FKTN: variants seen among roughly 807,000 people sequenced by gnomAD.
FKTN encodes fukutin.
FKTN carries 47 observed loss-of-function variants against 58.6 expected under a neutral mutation model. The observed-to-expected ratio is 0.80, with a 90% CI of 0.63 to 1.02. The LOEUF (loss-of-function observed/expected upper bound fraction) is 1.02, where lower values mean the gene tolerates loss of function less well. FKTN is among the 50% of genes least tolerant of loss of function. FKTN has a pLI of 0.00. For missense variants in FKTN, 516 were observed against 537.3 expected, an observed-to-expected ratio of 0.96 and a Z score of 0.39; for synonymous variants, 178 against 191.9, an observed-to-expected ratio of 0.93 and a Z score of 0.60.
chr9:105,638,788 G>T lies in FKTN; in HGVS notation c.*3524G>T. The T allele has an allele frequency of 2.0e-6, 2 of 981,602 alleles. No individual in the cohort carries two copies. The highest frequency in any genetic ancestry group is 2.4e-6 in the Non-Finnish European group (2 of 826,592). 60.8% of individuals were successfully genotyped at this position (981,602 alleles called of 1,614,324 possible). A position where few individuals can be genotyped will look rare whatever the true frequency, so the allele number is the denominator to read the frequency against. On this transcript the variant is annotated 3_prime_UTR_variant, in exon 11 of 11. Coordinates refer to ENST00000357998, the MANE Select transcript of FKTN (RefSeq NM_001079802.2). ...ATATTGATACTCTCTGATAAATGCAGGTAGTTAAGAATAGATTGTACTCAT... is the reference window on the plus strand; with the variant it reads ...ATATTGATACTCTCTGATAAATGCATGTAGTTAAGAATAGATTGTACTCAT...
chr9:105,608,903 TG>T (rs1258319492), intron 7 of FKTN, among the ~76,000 whole-genome samples: 1 of 152,246 alleles, frequency 6.6e-6, no homozygotes, highest in African/African-American at 2.4e-5. Context: ...GCCTGACATA[TG>T]CCTACCACAT....
Position 105,617,940 on chromosome 9 carries a change from A to T in FKTN, c.911-19A>T, listed in dbSNP as rs1177031988. On this transcript the variant is annotated intron_variant, in intron 8 of 10. Transcript: ENST00000357998. The stretch of plus-strand genomic sequence containing the variant: ...TTCCAAACCTAAATTTTGTTAAAAA[A>T]ATTTAATCTTCTTTTTAGGATGGTA... The T allele has an allele frequency of 7.3e-6, 11 of 1,513,844 alleles. No homozygotes were observed. Among genetic ancestry groups the T allele is most frequent in the Non-Finnish European group, 1.0e-5 (11 of 1,101,496 alleles). The allele number at this position is 1,513,844 out of a possible 1,614,324, so 93.8% of individuals were successfully genotyped here. A position where few individuals can be genotyped will look rare whatever the true frequency, so the allele number is the denominator to read the frequency against.
chr9:105,593,639 T>G (rs996449369), intron 3 of FKTN, among the ~76,000 whole-genome samples: 21 of 152,040 alleles, frequency 1.4e-4, no homozygotes, highest in Non-Finnish European at 3.1e-4. Flanking sequence ...ACATCTGAGG[T>G]TTGGGACCCT....
Position 105,640,241 on chromosome 9 carries a change from A to G in FKTN, c.*4977A>G. Reference sequence around the variant, plus strand: ...TCCTGTGCTTAAAGGAGGCAAGTATAAATTTTCTAATAAGAAATCCCTGCT... The same window carrying G: ...TCCTGTGCTTAAAGGAGGCAAGTATGAATTTTCTAATAAGAAATCCCTGCT... On this transcript the variant is annotated 3_prime_UTR_variant, in exon 11 of 11. Coordinates refer to ENST00000357998, the MANE Select transcript of FKTN (RefSeq NM_001079802.2). 7.4e-7 allele frequency: 1 copy of G among 1,353,400 alleles called. No individual in the cohort carries two copies. Among genetic ancestry groups the G allele is most frequent in the Admixed American group, 2.8e-5 (1 of 35,470 alleles). 83.8% of individuals were successfully genotyped at this position (1,353,400 alleles called of 1,614,324 possible). A position where few individuals can be genotyped will look rare whatever the true frequency, so the allele number is the denominator to read the frequency against.
At chr9:105,578,434 GT>G (rs1842184419) in intron 3 of FKTN, among the ~76,000 whole-genome samples, 1 of 129,938 alleles carries the variant, frequency 7.7e-6, no homozygotes, top group Non-Finnish European at 1.6e-5. Flanking sequence ...TAATCATGTG[GT>G]TTTTGTCTTT....
At chr9:105,611,868 T>C (rs1829984416) in intron 7 of FKTN, among the ~76,000 whole-genome samples, 1 of 152,186 alleles carries the variant, frequency 6.6e-6, no homozygotes, top group Non-Finnish European at 1.5e-5. Context: ...ATATACCTGA[T>C]AATGGAATTG....
chr9:105,567,343 A>G (rs925926126), intron 1 of FKTN, among the ~76,000 whole-genome samples: 2 of 152,204 alleles, frequency 1.3e-5, no homozygotes, highest in Non-Finnish European at 2.9e-5. Context: ...AGTTAGGAAA[A>G]GAGGAAGTCA....
At chr9:105,558,512 C>G (rs1000137334) in intron 1 of FKTN, among the ~76,000 whole-genome samples, 6 of 152,094 alleles carry the variant, frequency 3.9e-5, no homozygotes, top group Admixed American at 2.0e-4. Context: ...GTTATCCGCC[C>G]GCGTTGGCCT....
chr9:105,582,041 C>G (rs1303709058), intron 3 of FKTN, among the ~76,000 whole-genome samples: 1 of 152,140 alleles, frequency 6.6e-6, no homozygotes, highest in African/African-American at 2.4e-5. Flanking sequence ...ACGGTGCGCG[C>G]ACCCACTAGC....
At chr9:105,624,068 T>C (rs1478886514) in intron 10 of FKTN, among the ~76,000 whole-genome samples, 1 of 152,212 alleles carries the variant, frequency 6.6e-6, no homozygotes, top group Non-Finnish European at 1.5e-5. Context: ...AATTATTAAG[T>C]CAAAAGATAT....
At position 105,640,020 on chromosome 9, in the gene FKTN, CTGTATCAT is replaced by C; in HGVS notation, c.*4760_*4767del. 6.5e-7 allele frequency: 1 copy of C among 1,527,674 alleles called. No homozygotes were observed. The highest frequency in any genetic ancestry group is 8.8e-7 in the Non-Finnish European group (1 of 1,140,398). The allele number at this position is 1,527,674 out of a possible 1,614,324, so 94.6% of individuals were successfully genotyped here. ...TTTAATTATCTATGCTGATGAATGC[CTGTATCAT>C]TGTTAATAAAGGAGAATTGAAAATA... On this transcript the variant is annotated 3_prime_UTR_variant, in exon 11 of 11. Coordinates refer to ENST00000357998, the MANE Select transcript of FKTN (RefSeq NM_001079802.2).
intron 10 of FKTN, among the ~76,000 whole-genome samples, chr9:105,629,269 C>T (rs113980215): frequency 2.0e-5 from 3 of 151,984 alleles, no homozygotes; most frequent in Non-Finnish European, 4.4e-5. Flanking sequence ...AAAACTGATG[C>T]TAAGAGAAAA....
intron 1 of FKTN, among the ~76,000 whole-genome samples, chr9:105,571,667 T>A (rs1840757199): frequency 6.6e-6 from 1 of 152,154 alleles, no homozygotes; most frequent in Admixed American, 6.5e-5. Flanking sequence ...CTACTCTGAG[T>A]GCCACTTTAG....
intron 5 of FKTN, among the ~76,000 whole-genome samples, chr9:105,603,392 C>T (rs917290342): frequency 2.6e-5 from 4 of 152,116 alleles, no homozygotes; most frequent in African/African-American, 9.7e-5. Context: ...GAAAATGAAC[C>T]TTGTCTTACA....
At position 105,604,441 on chromosome 9, in the gene FKTN, T is replaced by C; in HGVS notation, c.596T>C (p.Phe199Ser). The C allele has an allele frequency of 6.2e-7, 1 of 1,614,134 alleles. No homozygotes were observed. Among genetic ancestry groups the C allele is most frequent in the East Asian group, 2.2e-5 (1 of 44,886 alleles). ...CTTAAAGAACACATTGACAGGAAAT[T>C]TGTTCCCTTCCGAAAGTTACAGTTT... ...LRLKEHIDRK[F>S]VPFRKLQFGR... is the part of the protein sequence containing the mutation. The change falls in exon 6 of 11, where the codon TTT becomes TCT. Residue 199 changes from phenylalanine (F) to serine (S), a missense_variant. Physicochemically the swap from Phe to Ser is radical, Grantham distance 155. Coordinates refer to ENST00000357998, the MANE Select transcript of FKTN (RefSeq NM_001079802.2).
At chr9:105,595,685 C>G (rs888334424) in intron 3 of FKTN, among the ~76,000 whole-genome samples, 1 of 152,174 alleles carries the variant, frequency 6.6e-6, no homozygotes, top group African/African-American at 2.4e-5. Context: ...CAAGCACTAT[C>G]CTAGGTGCTA....
chr9:105,558,369 T>C (rs756001882), intron 1 of FKTN, among the ~76,000 whole-genome samples: 20 of 152,138 alleles, frequency 1.3e-4, no homozygotes, highest in Non-Finnish European at 2.4e-4. Context: ...GTGGTAGACT[T>C]CCACTTGGCC....
At position 105,587,809 on chromosome 9, in the gene FKTN, T is replaced by C. The variant is rs148625451; in HGVS notation, c.106-8789T>C. 2.8e-4 allele frequency among the ~76,000 whole-genome samples: 43 copies of C among 152,342 alleles called. No individual in the cohort carries two copies. The East Asian group carries it at 8.3e-3, about 29-fold the overall frequency. On this transcript the variant is annotated intron_variant, in intron 3 of 10. Coordinates refer to ENST00000357998, the MANE Select transcript of FKTN (RefSeq NM_001079802.2). ...TGATTATTAAGAATCACAGCTTTTC[T>C]ACCATTTAAGGTCACATTTATGAGT...
chr9:105,563,934 G>A (rs1008576240), intron 1 of FKTN, among the ~76,000 whole-genome samples: 2 of 152,156 alleles, frequency 1.3e-5, no homozygotes, highest in African/African-American at 2.4e-5. Context: ...CACACAGCCG[G>A]GTACCCCTCT....
Sources: gnomAD v4.1 joint callset for allele counts (sites outside exome capture counted in the v4.1 genomes callset) on GRCh38, gnomAD v4.1.1 for gene constraint, MANE v1.5 for transcripts, NCBI Gene and HGNC (gene_info 2026-07-23, HGNC 2026-07-21) for gene names.